The following EML1 variants were observed in gnomAD, a reference collection of about 807,000 sequenced individuals.
The protein encoded by EML1 is EMAP like 1.
In EML1, 27 loss-of-function variants were observed where a neutral mutation model predicts 110.4. The observed-to-expected ratio is 0.24, with a 90% CI of 0.18 to 0.34. EML1 has a LOEUF of 0.34. Among genes scored for constraint, EML1 ranks in the 10% least tolerant of loss-of-function variants. The probability of loss-of-function intolerance (pLI) is 1.00; values close to 1 mark genes in which losing one functional copy is unlikely to be tolerated. For synonymous variants in EML1, 344 were observed against 385.8 expected, an observed-to-expected ratio of 0.89 and a Z score of 1.27; for missense variants, 741 against 1,030.9, an observed-to-expected ratio of 0.72 and a Z score of 3.85.
At chr14:99,754,378 G>A (rs2057220364) in intron 1 of EML1, among the ~76,000 whole-genome samples, 1 of 152,226 alleles carries the variant, frequency 6.6e-6, no homozygotes, top group Non-Finnish European at 1.5e-5. Context: ...CCCCACGGTG[G>A]CACGCATGGC....
chr14:99,790,792 T>C (rs988002308), upstream of EML1, among the ~76,000 whole-genome samples: 1 of 152,062 alleles, frequency 6.6e-6, no homozygotes, highest in Non-Finnish European at 1.5e-5. Context: ...AGAGGACACT[T>C]TACCTGGCCC....
At chr14:99,831,847 GA>G (rs1162425851) in intron 1 of EML1, among the ~76,000 whole-genome samples, 3 of 147,958 alleles carry the variant, frequency 2.0e-5, no homozygotes, top group Non-Finnish European at 3.0e-5. Context: ...TGAATGATGG[GA>G]TTTTTTTTTT....
intron 1 of EML1, among the ~76,000 whole-genome samples, chr14:99,805,992 C>G (rs1325993281): frequency 3.9e-5 from 6 of 152,150 alleles, no homozygotes. Flanking sequence ...AGCTCCTGGT[C>G]CAGCATTCGA....
At chr14:99,865,455 G>A in intron 2 of EML1, 59 bp from the exon 3 acceptor site, 4 of 1,604,346 alleles carry the variant, frequency 2.5e-6, no homozygotes, top group Non-Finnish European at 2.6e-6. Flanking sequence ...GACCCCTGCT[G>A]TAAAATGTTA....
intron 3 of EML1, among the ~76,000 whole-genome samples, chr14:99,878,202 C>T (rs2139934675): frequency 6.6e-6 from 1 of 151,496 alleles, no homozygotes; most frequent in East Asian, 1.9e-4. Flanking sequence ...GGATTGCTTC[C>T]CTGGAAGCCC....
chr14:99,887,467 G>A (rs748315585), intron 4 of EML1, among the ~76,000 whole-genome samples: 13 of 152,136 alleles, frequency 8.5e-5, no homozygotes, highest in Non-Finnish European at 1.3e-4. Context: ...ACTGGGCAAG[G>A]GATGAATGGA....
At chr14:99,754,276 C>T (rs1595240235) in intron 1 of EML1, among the ~76,000 whole-genome samples, 1 of 152,238 alleles carries the variant, frequency 6.6e-6, no homozygotes, top group Non-Finnish European at 1.5e-5. Context: ...CTGTCTCAGG[C>T]GGTGACATCA....
At chr14:99,815,235 G>A (rs1046589077) in intron 1 of EML1, among the ~76,000 whole-genome samples, 6 of 148,618 alleles carry the variant, frequency 4.0e-5, no homozygotes, top group South Asian at 2.2e-4. Flanking sequence ...TCCACCTCCC[G>A]GGTTCACACT....
intron 4 of EML1, among the ~76,000 whole-genome samples, chr14:99,884,938 C>T (rs2059448969): frequency 1.3e-5 from 2 of 152,154 alleles, no homozygotes. Flanking sequence ...TGGGAGCCTC[C>T]CCTGGCTCTC....
chr14:99,795,945 C>T (rs1335391771), intron 1 of EML1, among the ~76,000 whole-genome samples: 3 of 152,042 alleles, frequency 2.0e-5, no homozygotes, highest in East Asian at 1.9e-4. Flanking sequence ...TCAAGATATG[C>T]GAAGTTGAGG....
chr14:99,833,242 C>T (rs954180791), intron 1 of EML1, among the ~76,000 whole-genome samples: 1 of 152,156 alleles, frequency 6.6e-6, no homozygotes, highest in African/African-American at 2.4e-5. Flanking sequence ...TGCAATTGTT[C>T]CAGCCTAATT....
chr14:99,785,333 G>T (rs1308496986), intron 1 of EML1, among the ~76,000 whole-genome samples: 3 of 152,198 alleles, frequency 2.0e-5, no homozygotes, highest in Non-Finnish European at 2.9e-5. Flanking sequence ...GGGATTACAG[G>T]CGTTAGCCAC....
At chr14:99,855,008 A>G (rs1001698737) in intron 2 of EML1, among the ~76,000 whole-genome samples, 1 of 152,172 alleles carries the variant, frequency 6.6e-6, no homozygotes, top group Admixed American at 6.5e-5. Flanking sequence ...GATAGGAAAC[A>G]ATAAGGGAGC....
chr14:99,737,811 C>A, exon 1 of EML1: 4 of 1,289,176 alleles, frequency 3.1e-6, no homozygotes, highest in Non-Finnish European at 4.0e-6. Context: ...TGGTGGCCAG[C>A]CGGCCGCCCA....
chr14:99,751,858 A>T (rs1017428329), intron 1 of EML1, among the ~76,000 whole-genome samples: 1 of 152,106 alleles, frequency 6.6e-6, no homozygotes, highest in African/African-American at 2.4e-5. Context: ...CTGCAGTCTG[A>T]AAAGGATATT....
At chr14:99,826,590 G>A (rs2058363622) in intron 1 of EML1, among the ~76,000 whole-genome samples, 1 of 151,992 alleles carries the variant, frequency 6.6e-6, no homozygotes, top group Non-Finnish European at 1.5e-5. Flanking sequence ...TTCCCCATGG[G>A]CCTGGTGAGA....
chr14:99,803,458 A>G (rs1291042978), intron 1 of EML1, among the ~76,000 whole-genome samples: 1 of 152,260 alleles, frequency 6.6e-6, no homozygotes, highest in Non-Finnish European at 1.5e-5. Flanking sequence ...AGACTTAGAC[A>G]TTCAGAAGAG....
At chr14:99,928,809 T>C (rs890523885) in intron 17 of EML1, among the ~76,000 whole-genome samples, 7 of 152,216 alleles carry the variant, frequency 4.6e-5, no homozygotes, top group Non-Finnish European at 7.3e-5. Context: ...GTTCATAACT[T>C]CTCACCCTAA....
intron 1 of EML1, among the ~76,000 whole-genome samples, chr14:99,823,772 A>T (rs2058303875): frequency 6.6e-6 from 1 of 152,126 alleles, no homozygotes; most frequent in Non-Finnish European, 1.5e-5. Context: ...ATGGTGAAGA[A>T]CTAAAACAGT....
Sources: allele counts gnomAD v4.1 joint callset (sites outside exome capture counted in the v4.1 genomes callset), GRCh38; gene constraint gnomAD v4.1.1; transcripts MANE v1.5; gene names NCBI Gene and HGNC (gene_info 2026-07-23, HGNC 2026-07-21).